HHIP: variants seen among roughly 807,000 people sequenced by gnomAD.
HHIP encodes the protein hedgehog-interacting protein.
Under a neutral mutation model 74.0 loss-of-function variants are expected in HHIP, and 12 were observed. That is an observed-to-expected ratio of 0.16 (90% CI 0.10 to 0.26). The LOEUF (loss-of-function observed/expected upper bound fraction) is 0.26. Ranked by LOEUF, HHIP falls within the 10% of genes least tolerant of loss-of-function variation. HHIP has a pLI of 1.00. For missense variants in HHIP, 788 were observed against 845.0 expected (o/e 0.93, Z 0.84); for synonymous variants, 309 against 311.6 (o/e 0.99, Z 0.09).
At chr4:144,680,331 C>G (rs1729300108) in intron 4 of HHIP, among the ~76,000 whole-genome samples, 1 of 152,128 alleles carries the variant, frequency 6.6e-6, no homozygotes, top group Non-Finnish European at 1.5e-5. Flanking sequence ...AACCTTTCTG[C>G]TTTATTTCAC....
chr4:144,716,275 G>A (rs1412522172), intron 10 of HHIP, among the ~76,000 whole-genome samples: 1 of 152,042 alleles, frequency 6.6e-6, no homozygotes, highest in Non-Finnish European at 1.5e-5. Context: ...TACATCAAAT[G>A]GAGACTTCAT....
At chr4:144,697,632 T>C (rs1412018721) in intron 4 of HHIP, among the ~76,000 whole-genome samples, 2 of 152,068 alleles carry the variant, frequency 1.3e-5, no homozygotes, top group Non-Finnish European at 2.9e-5. Flanking sequence ...GTTCAAATGC[T>C]TTAAAAGCCT....
Position 144,739,424 on chromosome 4 carries a change from T to A in HHIP, c.*1467T>A, listed in dbSNP as rs1324672161. On this transcript the variant is annotated 3_prime_UTR_variant, in exon 13 of 13. Transcript: ENST00000296575. ...AATCTAAATTGTAGAGCAGTATAGA[T>A]TATGCAGCGCCAGCTGACTTTCTAA... 3 of 152,236 alleles carry A rather than the reference T, an allele frequency of 2.0e-5. No individual in the cohort carries two copies. Among genetic ancestry groups the A allele is most frequent in the African/African-American group, 7.2e-5 (3 of 41,470 alleles). 9.4% of individuals were successfully genotyped at this position (152,236 alleles called of 1,614,324 possible).
intron 11 of HHIP, among the ~76,000 whole-genome samples, chr4:144,721,463 A>T (rs774905511): frequency 6.6e-6 from 1 of 152,170 alleles, no homozygotes; most frequent in Admixed American, 6.5e-5. Context: ...AATCATTTAC[A>T]TAAGTTCAAA....
rs2126705300 is a variant in HHIP at position 144,744,525 on chromosome 4, AG to A, written c.*6571del. 6.6e-6 allele frequency: 1 copy of A among 152,350 alleles called. No homozygotes were observed. Among genetic ancestry groups the A allele is most frequent in the South Asian group, 2.1e-4 (1 of 4,826 alleles). The allele number at this position is 152,350 out of a possible 1,614,324, so 9.4% of individuals were successfully genotyped here. A position where few individuals can be genotyped will look rare whatever the true frequency, so the allele number is the denominator to read the frequency against. On this transcript the variant is annotated 3_prime_UTR_variant, in exon 13 of 13. Coordinates refer to ENST00000296575, the MANE Select transcript of HHIP (RefSeq NM_022475.3). ...GGTAGTAAAGGCAGGTACAAGTTTA[AG>A]GGAGCAGGGCTATCATATGTACTAG...
intron 1 of HHIP, among the ~76,000 whole-genome samples, chr4:144,649,030 G>T (rs896890077): frequency 6.6e-6 from 1 of 152,072 alleles, no homozygotes; most frequent in Non-Finnish European, 1.5e-5. Context: ...ACAGAGATTT[G>T]CTATAGCTAT....
intron 4 of HHIP, among the ~76,000 whole-genome samples, chr4:144,661,944 C>T (rs903475286): frequency 2.0e-5 from 3 of 152,140 alleles, no homozygotes; most frequent in African/African-American, 7.2e-5. Flanking sequence ...AGTTGCAATA[C>T]TCAAATCACA....
intron 4 of HHIP, among the ~76,000 whole-genome samples, chr4:144,684,077 G>GA (rs1729415439): frequency 6.7e-6 from 1 of 149,906 alleles, no homozygotes; most frequent in Non-Finnish European, 1.5e-5. Context: ...AAAAAGAAAA[G>GA]AAAGAAAGAA....
At chr4:144,661,180 C>T (rs975012704) in intron 4 of HHIP, 6 of 152,110 alleles carry the variant, frequency 3.9e-5, no homozygotes, top group East Asian at 1.9e-4. Flanking sequence ...TTACACCCTT[C>T]GTAGGGCTCT....
At chr4:144,706,737 C>A in intron 5 of HHIP, 55 bp downstream of exon 5, 1 of 1,505,810 alleles carries the variant, frequency 6.6e-7, no homozygotes, top group Non-Finnish European at 9.0e-7. Context: ...TTCTCATCAT[C>A]TTTTCATAAG....
rs755009602 is a variant in HHIP at position 144,646,725 on chromosome 4, G to A, written c.50G>A (p.Gly17Asp). 6.2e-7 allele frequency: 1 copy of A among 1,614,202 alleles called. No homozygotes were observed. Among genetic ancestry groups the A allele is most frequent in the Non-Finnish European group, 8.5e-7 (1 of 1,180,038 alleles). ...CTGCTGCTGCTGGCCGTGGCTCTGG[G>A]CTTCTTTGAAGGAGATGCTAAGTTT... ...FKLLLLAVAL[G>D]FFEGDAKFGE... Residue 17 changes from glycine (G) to aspartate (D), a missense_variant, in exon 1 of 13, where the codon GGC becomes GAC. Transcript: ENST00000296575.
chr4:144,685,831 G>C (rs1729470407), intron 4 of HHIP, among the ~76,000 whole-genome samples: 1 of 152,122 alleles, frequency 6.6e-6, no homozygotes, highest in Non-Finnish European at 1.5e-5. Flanking sequence ...CTTACAATAA[G>C]CTTTGCTTAT....
At position 144,708,245 on chromosome 4, in the gene HHIP, A is replaced by G; in HGVS notation, c.1235A>G (p.Asn412Ser). The part of the protein sequence containing the change: ...CNVPYSIPRS[N>S]PHFNSTNQPP... ...GTGCCTTATTCCATACCAAGGAGCA[A>G]CCCACACTTCAACAGCACCAACCAG... Residue 412 changes from asparagine (N) to serine (S), a missense_variant, in exon 7 of 13, where the codon AAC becomes AGC. By Grantham distance (46) the Asn-to-Ser change is conservative. Around this residue, in one of 3 missense-constraint regions of HHIP, gnomAD observed 72 missense variants for 130.6 expected, o/e 0.55. Transcript: ENST00000296575. The G allele has an allele frequency of 1.2e-6, 2 of 1,614,146 alleles. No individual in the cohort carries two copies. Among genetic ancestry groups the G allele is most frequent in the Non-Finnish European group, 8.5e-7 (1 of 1,180,000 alleles).
intron 12 of HHIP, among the ~76,000 whole-genome samples, chr4:144,735,462 A>C (rs191295206): frequency 6.6e-6 from 1 of 152,232 alleles, no homozygotes; most frequent in Admixed American, 6.5e-5. Flanking sequence ...GCTCAGAGAG[A>C]GCAAAGGAGA....
chr4:144,646,900 G>A lies in HHIP; in HGVS notation c.225G>A (p.Arg75=), dbSNP rs201201764. Residue 75 remains arginine, a synonymous_variant, in exon 1 of 13, where the codon CGG becomes CGA. Coordinates refer to ENST00000296575, the MANE Select transcript of HHIP (RefSeq NM_022475.3). ...GEMLCGGFYP[R]LSCCLRSDSP... Reference sequence around the variant, plus strand: ...TGCTGTGCGGTGGCTTCTACCCTCGGCTGTCCTGCTGCCTGCGGAGTGACA... The same window carrying A: ...TGCTGTGCGGTGGCTTCTACCCTCGACTGTCCTGCTGCCTGCGGAGTGACA... 4.4e-5 allele frequency: 71 copies of A among 1,613,774 alleles called. No individual in the cohort carries two copies. The highest frequency in any genetic ancestry group is 1.3e-4 in the South Asian group (12 of 91,082).
rs1346360782 is a variant in HHIP at position 144,739,308 on chromosome 4, G to C, written c.*1351G>C. The C allele has an allele frequency of 6.6e-6, 1 of 152,122 alleles. No individual in the cohort carries two copies. Among genetic ancestry groups the C allele is most frequent in the African/African-American group, 2.4e-5 (1 of 41,422 alleles). The allele number at this position is 152,122 out of a possible 1,614,324, so 9.4% of individuals were successfully genotyped here. A position where few individuals can be genotyped will look rare whatever the true frequency, so the allele number is the denominator to read the frequency against. ...CGTTTGGATTTTAACAAAATATAAG[G>C]CCTCTTTGCACTAGTGAAAAAACAC... is the stretch of plus-strand genomic sequence containing the variant. On this transcript the variant is annotated 3_prime_UTR_variant, in exon 13 of 13. Transcript: ENST00000296575.
rs540959304 is a variant in HHIP, at chr4:144,706,319, C to T, written c.832-212C>T. On this transcript the variant is annotated intron_variant, in intron 4 of 12. Coordinates refer to ENST00000296575, the MANE Select transcript of HHIP (RefSeq NM_022475.3). ...TAAGACTCTTGTACATAGATAACCA[C>T]ACAAGACAATTGTCTTGTTCTAACC... 1.3e-5 allele frequency among the ~76,000 whole-genome samples: 2 copies of T among 152,286 alleles called. 1 individual carries two copies. The highest frequency in any genetic ancestry group is 4.2e-4 in the South Asian group (2 of 4,818).
At chr4:144,718,289 T>C (rs982007479) in intron 10 of HHIP, among the ~76,000 whole-genome samples, 1 of 152,042 alleles carries the variant, frequency 6.6e-6, no homozygotes, top group East Asian at 1.9e-4. Flanking sequence ...CACAGGAAGA[T>C]GGAGCCTGTA....
At chr4:144,682,580 T>C (rs1264618560) in intron 4 of HHIP, among the ~76,000 whole-genome samples, 1 of 152,252 alleles carries the variant, frequency 6.6e-6, no homozygotes, top group Non-Finnish European at 1.5e-5. Context: ...CACTTCTCAT[T>C]GATATTTCAA....
Sources: gnomAD v4.1 joint callset for allele counts (sites outside exome capture counted in the v4.1 genomes callset) on GRCh38, gnomAD v4.1.1 for gene constraint, gnomAD v4.1.1 regional missense constraint, MANE v1.5 for transcripts, NCBI Gene and HGNC (gene_info 2026-07-23, HGNC 2026-07-21) for gene names.